The following SLC14A2 variants were observed in gnomAD, a reference collection of about 807,000 sequenced individuals.
The protein encoded by SLC14A2 is solute carrier family 14 member 2, also known as urea transporter 2.
Under a neutral mutation model 104.6 loss-of-function variants are expected in SLC14A2, and 91 were observed. The ratio of observed to expected loss-of-function variants is 0.87; its 90% confidence interval spans 0.73 to 1.04. The LOEUF is 1.04. Among genes scored for constraint, SLC14A2 ranks in the 50% least tolerant of loss-of-function variants. The pLI is 0.00. For missense variants in SLC14A2, 1,189 were observed against 1,156.0 expected, an observed-to-expected ratio of 1.03 and a Z score of -0.41; for synonymous variants, 476 against 466.4, an observed-to-expected ratio of 1.02 and a Z score of -0.27.
intron 1 of SLC14A2, among the ~76,000 whole-genome samples, chr18:45,308,705 A>C (rs1162400445): frequency 6.6e-6 from 1 of 152,136 alleles, no homozygotes; most frequent in Admixed American, 6.5e-5. Context: ...GTGTGATTCC[A>C]TCCAGATGGC....
intron 1 of SLC14A2, among the ~76,000 whole-genome samples, chr18:45,365,993 CAAAA>C (rs527561100): frequency 9.0e-6 from 1 of 110,948 alleles, no homozygotes. Flanking sequence ...GCAAAAGGAC[CAAAA>C]AAAAAAAAAA....
At chr18:45,454,127 G>T (rs1459819851) in intron 1 of SLC14A2, among the ~76,000 whole-genome samples, 1 of 152,042 alleles carries the variant, frequency 6.6e-6, no homozygotes, top group Non-Finnish European at 1.5e-5. Flanking sequence ...CATAGTGCTG[G>T]GATTACAGGT....
intron 1 of SLC14A2, among the ~76,000 whole-genome samples, chr18:45,619,132 T>C (rs1206097351): frequency 6.6e-6 from 1 of 152,238 alleles, no homozygotes; most frequent in African/African-American, 2.4e-5. Context: ...GCAGAGTCCA[T>C]GCTGGGACTT....
At chr18:45,528,087 GC>G (rs1449142148) in intron 2 of SLC14A2, 1 of 146,078 alleles carries the variant, frequency 6.8e-6, no homozygotes, top group East Asian at 2.2e-4. Flanking sequence ...GGCAGATGCA[GC>G]CCCATGCTAA....
chr18:45,642,944 C>A (rs1157198206), intron 8 of SLC14A2, among the ~76,000 whole-genome samples, 188 bp from the exon 9 acceptor site: 1 of 152,220 alleles, frequency 6.6e-6, no homozygotes, highest in Admixed American at 6.5e-5. Flanking sequence ...GGAGACTGGC[C>A]TCACCTGTCT....
intron 1 of SLC14A2, among the ~76,000 whole-genome samples, chr18:45,232,896 C>G (rs2084188524): frequency 6.6e-6 from 1 of 152,196 alleles, no homozygotes; most frequent in South Asian, 2.1e-4. Context: ...CTGTGTGTAA[C>G]TGGCTACCGG....
At chr18:45,569,265 C>A (rs1172903026) in intron 2 of SLC14A2, among the ~76,000 whole-genome samples, 1 of 152,182 alleles carries the variant, frequency 6.6e-6, no homozygotes, top group African/African-American at 2.4e-5. Flanking sequence ...CCCGTCTAAA[C>A]CCAGTTCTCT....
In SLC14A2 at chr18:45,682,470, A is replaced by G. The variant is rs1238611102; in HGVS notation, c.2714A>G (p.Asn905Ser). The G allele has an allele frequency of 1.2e-6, 2 of 1,614,052 alleles. No individual in the cohort carries two copies. Among genetic ancestry groups the G allele is most frequent in the Non-Finnish European group, 1.7e-6 (2 of 1,180,026 alleles). Residue 905 changes from asparagine (N) to serine (S), a missense_variant, in exon 20 of 20, where the codon AAC (asparagine) becomes AGC (serine). Coordinates refer to ENST00000255226, the MANE Select transcript of SLC14A2 (RefSeq NM_007163.4). ...NRIYYLSQERNRRASIITKYQ... is the reference protein window; with the variant it reads ...NRIYYLSQERSRRASIITKYQ... Reference sequence around the variant, plus strand: ...ATCTACTACCTGTCCCAGGAGAGAAACAGAAGGGCATCAATCATAACAAAG... The same window carrying G: ...ATCTACTACCTGTCCCAGGAGAGAAGCAGAAGGGCATCAATCATAACAAAG...
At chr18:45,337,031 G>GA (rs111926259) in intron 1 of SLC14A2, among the ~76,000 whole-genome samples, 7,502 of 145,926 alleles carry the variant, frequency 0.051, 236 homozygotes, top group African/African-American at 0.087. Flanking sequence ...AAAATATTTA[G>GA]AAAAAAAAAA....
intron 2 of SLC14A2, among the ~76,000 whole-genome samples, chr18:45,488,637 G>A (rs1330870189): frequency 6.6e-6 from 1 of 152,224 alleles, no homozygotes; most frequent in East Asian, 1.9e-4. Flanking sequence ...GCCCAAGTCT[G>A]ATCCTGGTGC....
intron 1 of SLC14A2, chr18:45,447,481 C>A (rs2086789651): frequency 6.6e-6 from 1 of 152,196 alleles, no homozygotes; most frequent in Admixed American, 6.5e-5. Context: ...ACTGAGATCA[C>A]TTTATGACTC....
At chr18:45,295,542 A>G (rs138399962) in intron 1 of SLC14A2, among the ~76,000 whole-genome samples, 6 of 152,246 alleles carry the variant, frequency 3.9e-5, no homozygotes, top group African/African-American at 1.4e-4. Flanking sequence ...ACATTTTCCT[A>G]GATGTGTTTC....
intron 1 of SLC14A2, among the ~76,000 whole-genome samples, chr18:45,290,216 G>A (rs2144164328): frequency 6.6e-6 from 1 of 152,206 alleles, no homozygotes; most frequent in East Asian, 1.9e-4. Context: ...CCCAGGTAAT[G>A]AATATGGTAC....
At chr18:45,235,873 ATG>A (rs2084225049) in intron 1 of SLC14A2, among the ~76,000 whole-genome samples, 3 of 130,388 alleles carry the variant, frequency 2.3e-5, no homozygotes, top group African/African-American at 9.0e-5. Flanking sequence ...GTGTGTATAT[ATG>A]TATATATACA....
rs143409522 is a variant in SLC14A2 at position 45,235,825 on chromosome 18, A to ACACACATATGTGTG, written c.-125+22634_-125+22635insCACACATATGTGTG. ...TGTGTGTGTGTGTGTATATATATAT[A>ACACACATATGTGTG]TATATACGTGTATATATATATGTAT... On this transcript the variant is annotated intron_variant, in intron 1 of 20. Coordinates refer to the SLC14A2 transcript ENST00000586448. 8.5e-3 allele frequency among the ~76,000 whole-genome samples: 902 copies of ACACACATATGTGTG among 106,462 alleles called. 26 individuals are homozygous for ACACACATATGTGTG. Among genetic ancestry groups the ACACACATATGTGTG allele is most frequent in the Middle Eastern group, 0.019 (4 of 210 alleles). The allele number at this position is 106,462 out of a possible 152,430, so 69.8% of individuals were successfully genotyped here.
At chr18:45,386,345 T>C (rs974367069) in intron 1 of SLC14A2, among the ~76,000 whole-genome samples, 5 of 152,166 alleles carry the variant, frequency 3.3e-5, no homozygotes, top group Admixed American at 2.6e-4. Flanking sequence ...AACTCAGTTT[T>C]TGTGGCTTTT....
upstream of SLC14A2, among the ~76,000 whole-genome samples, chr18:45,212,378 A>T: frequency 6.6e-6 from 1 of 152,210 alleles, no homozygotes. Context: ...GTAATTCCTT[A>T]GCTATGTGAC....
intron 1 of SLC14A2, among the ~76,000 whole-genome samples, chr18:45,250,682 A>G (rs919617994): frequency 6.6e-6 from 1 of 150,648 alleles, no homozygotes; most frequent in East Asian, 1.9e-4. Context: ...ATTGAGAAAG[A>G]CCCAGGAGGT....
At chr18:45,430,822 TG>T (rs1417432181) in intron 1 of SLC14A2, among the ~76,000 whole-genome samples, 1 of 152,096 alleles carries the variant, frequency 6.6e-6, no homozygotes, top group Non-Finnish European at 1.5e-5. Context: ...CTTCACATGG[TG>T]GGAAGAAGGG....
Sources: gnomAD v4.1 joint callset for allele counts (sites outside exome capture counted in the v4.1 genomes callset) on GRCh38, gnomAD v4.1.1 for gene constraint, MANE v1.5 for transcripts, NCBI Gene and HGNC (gene_info 2026-07-23, HGNC 2026-07-21) for gene names.